Variants in JPH1 observed in about 807,000 individuals in gnomAD.
JPH1 encodes junctophilin 1, also known as junctophilin-1.
In JPH1, 12 loss-of-function variants were observed where a neutral mutation model predicts 53.6. The ratio of observed to expected loss-of-function variants is 0.22; its 90% CI spans 0.14 to 0.36. The LOEUF (loss-of-function observed/expected upper bound fraction) is 0.36. Ranked by LOEUF, JPH1 falls within the 10% of genes least tolerant of loss-of-function variation. The pLI, the probability that JPH1 is intolerant of heterozygous loss-of-function variation, is 1.00. For missense variants in JPH1, 808 were observed against 905.5 expected (o/e 0.89, Z 1.38); for synonymous variants, 375 against 363.8 (o/e 1.03, Z -0.35).
chr8:74,235,666 ATAAG>A lies in JPH1; in HGVS notation c.*1381_*1384del, dbSNP rs1806978123. On this transcript the variant is annotated 3_prime_UTR_variant, in exon 6 of 6. Coordinates refer to ENST00000342232, the MANE Select transcript of JPH1 (RefSeq NM_020647.4). ...CTTTTATAAAGACCATTTAGTTTCT[ATAAG>A]TAAGCATGCTTCTGAATAACAAAGG... 6.6e-6 allele frequency: 1 copy of A among 152,652 alleles called. No individual in the cohort carries two copies. The highest frequency in any genetic ancestry group is 1.5e-5 in the Non-Finnish European group (1 of 68,046). 9.5% of individuals were successfully genotyped at this position (152,652 alleles called of 1,614,324 possible).
At chr8:74,277,943 CT>C (rs892864272) in intron 2 of JPH1, among the ~76,000 whole-genome samples, 2 of 152,038 alleles carry the variant, frequency 1.3e-5, no homozygotes, top group African/African-American at 4.8e-5. Flanking sequence ...ACCAGTGTTG[CT>C]TTTTTTGTTG....
chr8:74,276,124 G>T (rs1806840358), intron 2 of JPH1, among the ~76,000 whole-genome samples: 1 of 152,174 alleles, frequency 6.6e-6, no homozygotes, highest in South Asian at 2.1e-4. Context: ...TTAAGAGAAA[G>T]TGTATATTCT....
intron 2 of JPH1, among the ~76,000 whole-genome samples, chr8:74,286,008 T>C (rs918100638): frequency 6.6e-6 from 1 of 152,166 alleles, no homozygotes; most frequent in African/African-American, 2.4e-5. Context: ...ATGCAAAAAA[T>C]ACGGAAAGTT....
intron 2 of JPH1, among the ~76,000 whole-genome samples, chr8:74,263,125 C>T (rs1391775040): frequency 1.3e-5 from 2 of 152,168 alleles, no homozygotes; most frequent in African/African-American, 4.8e-5. Flanking sequence ...CTAAGGTACA[C>T]GTGGGTCCCT....
intron 3 of JPH1, among the ~76,000 whole-genome samples, chr8:74,250,321 T>C (rs1346846113): frequency 6.6e-6 from 1 of 152,070 alleles, no homozygotes; most frequent in Admixed American, 6.5e-5. Flanking sequence ...TTAGTGGAGA[T>C]GGGGTTTCAC....
At chr8:74,311,377 A>T (rs907857175) in intron 2 of JPH1, among the ~76,000 whole-genome samples, 1 of 152,182 alleles carries the variant, frequency 6.6e-6, no homozygotes, top group Non-Finnish European at 1.5e-5. Flanking sequence ...GAGGGGTCAG[A>T]TAGATGTTCT....
intron 2 of JPH1, among the ~76,000 whole-genome samples, chr8:74,274,920 C>G (rs1806805032): frequency 6.6e-6 from 1 of 152,112 alleles, no homozygotes; most frequent in Non-Finnish European, 1.5e-5. Context: ...TCATATTCAC[C>G]TAGCAGATCT....
Position 74,320,842 on chromosome 8 carries a change from C to G in JPH1, c.379+67G>C. On this transcript the variant is annotated intron_variant, in intron 1 of 5. Transcript: ENST00000342232. This position sits in a 1 kb window ranked among gnomAD's most constrained non-coding sequence, Gnocchi z 4.4. ...TGCGCCCGGCGTCCTCCCCGCTTCC[C>G]CGCAGCCGGGGCAGAGCCCACCGCA... is the stretch of plus-strand genomic sequence containing the variant. 1 of 1,424,464 alleles carries G rather than the reference C, an allele frequency of 7.0e-7. No homozygotes were observed. The allele number at this position is 1,424,464 out of a possible 1,614,324, so 88.2% of individuals were successfully genotyped here.
intron 3 of JPH1, among the ~76,000 whole-genome samples, chr8:74,252,903 T>A (rs1428018535): frequency 2.0e-5 from 3 of 150,620 alleles, no homozygotes; most frequent in South Asian, 2.1e-4. Context: ...AAGTCCTTAG[T>A]GACCTAGAAA....
At chr8:74,270,000 T>G (rs911009770) in intron 2 of JPH1, among the ~76,000 whole-genome samples, 1 of 152,280 alleles carries the variant, frequency 6.6e-6, no homozygotes, top group African/African-American at 2.4e-5. Context: ...AATCTGTCAC[T>G]GCTCTCCTTA....
intron 2 of JPH1, among the ~76,000 whole-genome samples, chr8:74,267,642 T>C (rs777314575): frequency 6.6e-6 from 1 of 152,076 alleles, no homozygotes; most frequent in East Asian, 1.9e-4. Context: ...GGCGAGGAAG[T>C]GGGCAGAAGA....
In JPH1 at chr8:74,315,378, T is replaced by C; in HGVS notation, c.622A>G (p.Lys208Glu). 1 of 1,612,580 alleles carries C rather than the reference T, an allele frequency of 6.2e-7. No individual in the cohort carries two copies. The highest frequency in any genetic ancestry group is 1.1e-5 in the South Asian group (1 of 91,046). The change falls in exon 2 of 6, where the codon AAG becomes GAG. Residue 208 changes from lysine to glutamate, a missense_variant. By Grantham distance (56) the Lys-to-Glu change is moderately conservative (BLOSUM62 1). Around this residue, in one of 2 missense-constraint regions of JPH1, gnomAD observed 756 missense variants for 811.9 expected, o/e 0.93. Transcript: ENST00000342232. The surrounding 1 kb of genome is among the most constrained non-coding windows in gnomAD (Gnocchi z 6.3). ...GAGCCCCTCCGGAAGAGGCCGCCCT[T>C]CTTCTTGCCCGCTAGCTCAGCGTCT... The part of the protein sequence containing the change: ...HADAELAGKK[K>E]GGLFRRGSLL...
At chr8:74,249,805 T>C (rs1048966729) in intron 3 of JPH1, among the ~76,000 whole-genome samples, 2 of 152,216 alleles carry the variant, frequency 1.3e-5, no homozygotes, top group Non-Finnish European at 2.9e-5. Context: ...TTCTGAAGTC[T>C]TCTAATTCAT....
Position 74,320,822 on chromosome 8 carries a change from C to T in JPH1, c.379+87G>A. On this transcript the variant is annotated intron_variant, in intron 1 of 5. Transcript: ENST00000342232. The surrounding 1 kb of genome is among the most constrained non-coding windows in gnomAD (Gnocchi z 4.4). ...TTGGCGGGTTTCCGGACACGTGCGC[C>T]CGGCGTCCTCCCCGCTTCCCCGCAG... 5 of 1,381,464 alleles carry T rather than the reference C, an allele frequency of 3.6e-6. No individual in the cohort carries two copies. The highest frequency in any genetic ancestry group is 1.5e-5 in the African/African-American group (1 of 65,644). 85.6% of individuals were successfully genotyped at this position (1,381,464 alleles called of 1,614,324 possible). A position where few individuals can be genotyped will look rare whatever the true frequency, so the allele number is the denominator to read the frequency against.
chr8:74,249,766 A>G (rs1200638486), intron 3 of JPH1, among the ~76,000 whole-genome samples: 1 of 152,206 alleles, frequency 6.6e-6, no homozygotes, highest in African/African-American at 2.4e-5. Flanking sequence ...ATAGGCCTAG[A>G]CTATTATGTA....
chr8:74,296,675 A>G (rs1470995407), intron 2 of JPH1, among the ~76,000 whole-genome samples: 2 of 152,204 alleles, frequency 1.3e-5, no homozygotes, highest in Admixed American at 6.5e-5. Context: ...GCCTGCAAAT[A>G]TATCAGCTTG....
chr8:74,248,990 C>T (rs890344529), intron 3 of JPH1, among the ~76,000 whole-genome samples: 1 of 152,160 alleles, frequency 6.6e-6, no homozygotes, highest in Admixed American at 6.5e-5. Flanking sequence ...CCTGGAGACT[C>T]ATATTGGGAA....
In JPH1 at chr8:74,299,973, A is replaced by G. The variant is rs533463712; in HGVS notation, c.1139+14888T>C. 2.0e-5 allele frequency among the ~76,000 whole-genome samples: 3 copies of G among 152,370 alleles called. No individual in the cohort carries two copies. The East Asian group carries it at 5.8e-4, about 29-fold the overall frequency. On this transcript the variant is annotated intron_variant, in intron 2 of 5. Transcript: ENST00000342232. ...AGAAAAAAAGAAAAGAAAACCTTCA[A>G]TATGTTCTTCTCGCCCTCGTTTTCA...
At chr8:74,267,297 G>A (rs1206897079) in intron 2 of JPH1, among the ~76,000 whole-genome samples, 1 of 152,212 alleles carries the variant, frequency 6.6e-6, no homozygotes, top group Non-Finnish European at 1.5e-5. Flanking sequence ...TGGGGACTGA[G>A]ACAAAAGTGT....
Sources: gnomAD v4.1 joint callset for allele counts (sites outside exome capture counted in the v4.1 genomes callset) on GRCh38, gnomAD v4.1.1 for gene constraint, gnomAD v4.1.1 regional missense constraint, Gnocchi (gnomAD v3.1) non-coding constraint, MANE v1.5 for transcripts, NCBI Gene and HGNC (gene_info 2026-07-23, HGNC 2026-07-21) for gene names.